The following SHISA6 variants were observed in gnomAD, a reference collection of about 807,000 sequenced individuals.
The protein encoded by SHISA6 is shisa family member 6, also known as protein shisa-6.
SHISA6 carries 22 observed loss-of-function variants against 47.9 expected under a neutral mutation model. The ratio of observed to expected loss-of-function variants is 0.46; its 90% CI spans 0.33 to 0.66. SHISA6 has a LOEUF of 0.66. Ranked by LOEUF, SHISA6 falls within the 30% of genes least tolerant of loss-of-function variation. The pLI, the probability that SHISA6 is intolerant of heterozygous loss-of-function variation, is 0.02. For synonymous variants in SHISA6, 388 were observed against 337.8 expected, an observed-to-expected ratio of 1.15 and a Z score of -1.63; for missense variants, 680 against 764.6, an observed-to-expected ratio of 0.89 and a Z score of 1.30.
At chr17:11,290,774 GTTTCCTAGGTCAAAACAAT>G (rs1405915008) in intron 2 of SHISA6, 1 of 151,868 alleles carries the variant, frequency 6.6e-6, no homozygotes, top group Non-Finnish European at 1.5e-5. Context: ...GAAATTGCTG[GTTTCCTAGGTCAAAACAAT>G]TAAATATTGT....
Position 11,274,655 on chromosome 17 carries a change from C to T in SHISA6, c.799+11129C>T, listed in dbSNP as rs546384612. Among the ~76,000 whole-genome samples, 34 of 152,258 alleles carry T rather than the reference C, an allele frequency of 2.2e-4. No individual in the cohort carries two copies. In the South Asian group the frequency reaches 6.0e-3, roughly 27 times the overall value. On this transcript the variant is annotated intron_variant, in intron 2 of 5. Coordinates refer to ENST00000441885, the MANE Select transcript of SHISA6 (RefSeq NM_207386.4). The stretch of plus-strand genomic sequence containing the variant: ...CAAAGATGGAGGAGGAGACGGCATC[C>T]GTAGCTAGATGTGCCACACCAACTG...
intron 2 of SHISA6, among the ~76,000 whole-genome samples, chr17:11,281,358 G>C (rs541303172): frequency 2.0e-5 from 3 of 152,126 alleles, no homozygotes; most frequent in Non-Finnish European, 2.9e-5. Flanking sequence ...GTTTTTATGA[G>C]GAGTGGATAT....
chr17:11,407,061 G>A (rs975224355), intron 3 of SHISA6, among the ~76,000 whole-genome samples: 3 of 152,274 alleles, frequency 2.0e-5, no homozygotes, highest in African/African-American at 7.2e-5. Context: ...AAAGGAGAAG[G>A]ATGGCACAGT....
intron 2 of SHISA6, among the ~76,000 whole-genome samples, chr17:11,318,154 C>T (rs1275058827): frequency 6.6e-6 from 1 of 152,010 alleles, no homozygotes; most frequent in Non-Finnish European, 1.5e-5. Context: ...TGGAGCATTA[C>T]TTCCTTAGCA....
rs1567696418 is a variant in SHISA6 at position 11,241,488 on chromosome 17, C to T, written c.66C>T (p.Ser22=). The T allele has an allele frequency of 8.5e-7, 1 of 1,176,338 alleles. No individual in the cohort carries two copies. Among genetic ancestry groups the T allele is most frequent in the Non-Finnish European group, 1.1e-6 (1 of 940,122 alleles). 72.9% of individuals were successfully genotyped at this position (1,176,338 alleles called of 1,614,324 possible). Residue 22 remains serine, a synonymous_variant, in exon 1 of 6, where the codon AGC becomes AGT. Coordinates refer to ENST00000441885, the MANE Select transcript of SHISA6 (RefSeq NM_207386.4). This position sits in a 1 kb window ranked among gnomAD's most constrained non-coding sequence, Gnocchi z 5.5. The stretch of plus-strand genomic sequence containing the variant: ...TGGAGTCCCTGGACCTGCTGCCCAG[C>T]GTCCACGGAGCCCGCGGCCGCGCCG... ...LSLESLDLLP[S]VHGARGRAAN... is the part of the protein sequence containing the mutation.
chr17:11,520,684 T>C (rs2071622354), intron 3 of SHISA6, among the ~76,000 whole-genome samples: 1 of 152,024 alleles, frequency 6.6e-6, no homozygotes, highest in Non-Finnish European at 1.5e-5. Context: ...ATGCACACAT[T>C]TCCCTCTCTC....
At chr17:11,322,150 C>T (rs1329596859) in intron 2 of SHISA6, among the ~76,000 whole-genome samples, 1 of 152,058 alleles carries the variant, frequency 6.6e-6, no homozygotes. Context: ...CAGTATTATC[C>T]TACTTATATC....
chr17:11,558,022 G>A lies in SHISA6; in HGVS notation c.1374G>A (p.Leu458=). The change falls in exon 6 of 6, where the codon CTG becomes CTA. Residue 458 remains leucine (L), a synonymous_variant. Coordinates refer to ENST00000441885, the MANE Select transcript of SHISA6 (RefSeq NM_207386.4). Reference sequence around the variant, plus strand: ...AGCGCCTGCACTCCCAGGACCCGCTGCTGTCCCCGGAGCGGACGGCCTTTC... The same window carrying A: ...AGCGCCTGCACTCCCAGGACCCGCTACTGTCCCCGGAGCGGACGGCCTTTC... ...STERLHSQDP[L]LSPERTAFPE... is the part of the protein sequence containing the mutation. The A allele has an allele frequency of 6.4e-7, 1 of 1,551,604 alleles. No homozygotes were observed. The highest frequency in any genetic ancestry group is 8.7e-7 in the Non-Finnish European group (1 of 1,146,976).
intron 3 of SHISA6, among the ~76,000 whole-genome samples, chr17:11,441,767 T>C (rs751675738): frequency 6.6e-6 from 1 of 152,190 alleles, no homozygotes; most frequent in Non-Finnish European, 1.5e-5. Flanking sequence ...TGCCACTTTT[T>C]CCCACTAACT....
chr17:11,421,641 G>T (rs1914454616), intron 3 of SHISA6, among the ~76,000 whole-genome samples: 1 of 152,222 alleles, frequency 6.6e-6, no homozygotes, highest in Non-Finnish European at 1.5e-5. Flanking sequence ...AATAAAAATG[G>T]AACAAACATA....
intron 2 of SHISA6, among the ~76,000 whole-genome samples, chr17:11,348,406 T>C (rs1911768511): frequency 6.6e-6 from 1 of 152,184 alleles, no homozygotes; most frequent in African/African-American, 2.4e-5. Context: ...AAAGCAGGCT[T>C]TAAAGACTTT....
chr17:11,390,107 T>C (rs1913336045), intron 3 of SHISA6, among the ~76,000 whole-genome samples: 1 of 152,212 alleles, frequency 6.6e-6, no homozygotes, highest in South Asian at 2.1e-4. Flanking sequence ...CATTTCAGCC[T>C]CTCTTGCCTA....
intron 3 of SHISA6, among the ~76,000 whole-genome samples, chr17:11,448,221 C>T (rs1915287992): frequency 1.5e-5 from 2 of 132,162 alleles, no homozygotes; most frequent in East Asian, 4.4e-4. Flanking sequence ...CTCTTTGGGG[C>T]GGGCTTAATC....
chr17:11,255,931 G>A (rs1907990559), intron 1 of SHISA6, among the ~76,000 whole-genome samples: 1 of 152,230 alleles, frequency 6.6e-6, no homozygotes, highest in Non-Finnish European at 1.5e-5. Flanking sequence ...CTCCTTGTAA[G>A]CCTCGTAAGC....
At chr17:11,451,163 C>A (rs1406009023) in intron 3 of SHISA6, among the ~76,000 whole-genome samples, 1 of 152,070 alleles carries the variant, frequency 6.6e-6, no homozygotes, top group African/African-American at 2.4e-5. Context: ...CTCTTCCAGG[C>A]ATCTCAAATG....
At chr17:11,516,994 C>T (rs2071591194) in intron 3 of SHISA6, among the ~76,000 whole-genome samples, 1 of 152,142 alleles carries the variant, frequency 6.6e-6, no homozygotes, top group African/African-American at 2.4e-5. Context: ...CCTGGTACCC[C>T]TGGTAGAAGT....
intron 2 of SHISA6, among the ~76,000 whole-genome samples, chr17:11,332,257 G>A (rs1911148623): frequency 6.7e-6 from 1 of 149,060 alleles, no homozygotes; most frequent in Non-Finnish European, 1.5e-5. Flanking sequence ...AAAAAAAAAT[G>A]GAAAGACAAT....
intron 3 of SHISA6, among the ~76,000 whole-genome samples, chr17:11,436,050 T>G (rs987999154): frequency 1.3e-5 from 2 of 152,176 alleles, no homozygotes; most frequent in African/African-American, 4.8e-5. Context: ...AGGATAGATG[T>G]TGATTCTGAG....
chr17:11,493,909 CTTCT>C (rs1170356486), intron 3 of SHISA6, among the ~76,000 whole-genome samples: 8 of 119,000 alleles, frequency 6.7e-5, no homozygotes, highest in African/African-American at 2.3e-4. Flanking sequence ...TCTGTTCTCC[CTTCT>C]ATTTTTTTTT....
Sources: allele counts gnomAD v4.1 joint callset (sites outside exome capture counted in the v4.1 genomes callset), GRCh38; gene constraint gnomAD v4.1.1; non-coding constraint Gnocchi (gnomAD v3.1); transcripts MANE v1.5; gene names NCBI Gene and HGNC (gene_info 2026-07-23, HGNC 2026-07-21).